The following ARSG variants were observed in gnomAD, a reference collection of about 807,000 sequenced individuals.
ARSG encodes the protein arylsulfatase G.
Under a neutral mutation model 50.5 loss-of-function variants are expected in ARSG, and 37 were observed. That is an observed-to-expected ratio of 0.73 (90% CI 0.56 to 0.96). ARSG has a LOEUF of 0.96. ARSG is among the 50% of genes least tolerant of loss of function. The pLI is 0.00. For missense variants in ARSG, 629 were observed against 675.3 expected, an observed-to-expected ratio of 0.93 and a Z score of 0.76; for synonymous variants, 225 against 254.6, an observed-to-expected ratio of 0.88 and a Z score of 1.11.
intron 1 of ARSG, among the ~76,000 whole-genome samples, chr17:68,292,091 C>G (rs781862091): frequency 7.2e-4 from 110 of 151,966 alleles, no homozygotes; most frequent in Non-Finnish European, 1.4e-3. Flanking sequence ...CAGTGGGCCC[C>G]AGGGAGCGAG....
At chr17:68,436,510 C>T in the ARSG span, 1 of 1,603,764 alleles carries the variant, frequency 6.2e-7, no homozygotes, top group Non-Finnish European at 8.5e-7. Flanking sequence ...CATGAGAAGC[C>T]TGGGGCCAAG....
chr17:68,279,849 T>C (rs1402260133), intron 1 of ARSG, among the ~76,000 whole-genome samples: 1 of 152,160 alleles, frequency 6.6e-6, no homozygotes, highest in Non-Finnish European at 1.5e-5. Context: ...AATGAGTCCA[T>C]GGTCTTCAAG....
the ARSG span, chr17:68,434,534 G>A: frequency 6.2e-7 from 1 of 1,613,084 alleles, no homozygotes; most frequent in Non-Finnish European, 8.5e-7. Flanking sequence ...ACTTTAAAAT[G>A]GGTTTGACAT....
chr17:68,424,682 C>T (rs931633728), downstream of ARSG: 3 of 345,368 alleles, frequency 8.7e-6, no homozygotes, highest in Non-Finnish European at 1.1e-5. Flanking sequence ...TTGAGACCAG[C>T]GTGACCAACA....
chr17:68,293,420 G>A (rs1438585098), intron 1 of ARSG, among the ~76,000 whole-genome samples: 2 of 152,124 alleles, frequency 1.3e-5, no homozygotes, highest in African/African-American at 4.8e-5. Flanking sequence ...ATCCTCAGGA[G>A]TGAATGAATG....
chr17:68,404,326 C>T (rs533772963), intron 11 of ARSG, among the ~76,000 whole-genome samples: 16 of 152,196 alleles, frequency 1.1e-4, no homozygotes, highest in Non-Finnish European at 1.8e-4. Flanking sequence ...GTCCCACCAA[C>T]AGTGTAAAAG....
At chr17:68,344,001 T>C (rs775166763) in intron 3 of ARSG, among the ~76,000 whole-genome samples, 4 of 152,224 alleles carry the variant, frequency 2.6e-5, no homozygotes, top group Non-Finnish European at 5.9e-5. Flanking sequence ...AGTTTTGTGG[T>C]AACTGGTTGC....
chr17:68,264,596 CCTGT>C (rs1218109481), intron 1 of ARSG, among the ~76,000 whole-genome samples: 13 of 151,854 alleles, frequency 8.6e-5, no homozygotes, highest in Non-Finnish European at 1.3e-4. Context: ...CAGCACCATG[CCTGT>C]CTAATTTTGT....
chr17:68,310,041 T>C (rs1255064237), intron 2 of ARSG, among the ~76,000 whole-genome samples: 1 of 150,442 alleles, frequency 6.6e-6, no homozygotes, highest in Non-Finnish European at 1.5e-5. Context: ...TGGCACGATC[T>C]CAGCTCACTG....
chr17:68,321,237 G>T (rs2145847286), intron 2 of ARSG, among the ~76,000 whole-genome samples: 1 of 152,292 alleles, frequency 6.6e-6, no homozygotes, highest in Non-Finnish European at 1.5e-5. Context: ...ATGAATGAAT[G>T]AGTAGACGAA....
At chr17:68,270,803 G>T in intron 1 of ARSG, 2 of 1,518,396 alleles carry the variant, frequency 1.3e-6, no homozygotes. Context: ...ACAAGGGAAA[G>T]TAGACAAGTG....
rs1452774382 is a variant in ARSG, at chr17:68,420,725, A to G, written c.*262A>G. On this transcript the variant is annotated 3_prime_UTR_variant, in exon 12 of 12. Coordinates refer to ENST00000621439, the MANE Select transcript of ARSG (RefSeq NM_001267727.2). ...GGAGTCAGGCACAGGTGCCAGCTCC[A>G]GCTTTTGAACTTGGGCAATTGTTTA... 6.1e-6 allele frequency: 3 copies of G among 489,282 alleles called. No individual in the cohort carries two copies. The highest frequency in any genetic ancestry group is 3.4e-5 in the East Asian group (1 of 29,562). 30.3% of individuals were successfully genotyped at this position (489,282 alleles called of 1,614,324 possible). A position where few individuals can be genotyped will look rare whatever the true frequency, so the allele number is the denominator to read the frequency against.
At chr17:68,321,122 C>T (rs1435431336) in intron 2 of ARSG, among the ~76,000 whole-genome samples, 2 of 152,150 alleles carry the variant, frequency 1.3e-5, no homozygotes, top group Non-Finnish European at 2.9e-5. Context: ...GTGCACTATC[C>T]TTGCTCCTGT....
chr17:68,430,496 G>C, the ARSG span, among the ~76,000 whole-genome samples: 4 of 152,304 alleles, frequency 2.6e-5, no homozygotes, highest in African/African-American at 9.6e-5. Context: ...AGATGGACTT[G>C]ATATCCAGGT....
intron 2 of ARSG, among the ~76,000 whole-genome samples, chr17:68,339,679 G>A (rs1277973436): frequency 6.6e-6 from 1 of 152,174 alleles, no homozygotes; most frequent in Admixed American, 6.5e-5. Flanking sequence ...GTTTTTCTAT[G>A]AGCTGTATTT....
chr17:68,425,891 C>A (rs947895890), downstream of ARSG: 1 of 582,428 alleles, frequency 1.7e-6, no homozygotes, highest in Non-Finnish European at 3.0e-6. Flanking sequence ...ACACCTAAAG[C>A]CTACTCTGTA....
intron 4 of ARSG, among the ~76,000 whole-genome samples, chr17:68,348,287 G>A (rs2078603330): frequency 6.6e-6 from 1 of 152,190 alleles, no homozygotes; most frequent in African/African-American, 2.4e-5. Context: ...TCACTTGACA[G>A]TTGAGGGGTT....
the ARSG span, chr17:68,435,562 G>T: frequency 1.3e-6 from 2 of 1,530,106 alleles, no homozygotes; most frequent in Non-Finnish European, 1.8e-6. Context: ...CCATCCCTGC[G>T]CACGGCAGGA....
At chr17:68,395,864 A>C (rs1236270718) in intron 10 of ARSG, among the ~76,000 whole-genome samples, 1 of 152,138 alleles carries the variant, frequency 6.6e-6, no homozygotes, top group Non-Finnish European at 1.5e-5. Flanking sequence ...CCAGCATTTC[A>C]GTCCATGCAA....
Sources: allele counts gnomAD v4.1 joint callset (sites outside exome capture counted in the v4.1 genomes callset), GRCh38; gene constraint gnomAD v4.1.1; transcripts MANE v1.5; gene names NCBI Gene and HGNC (gene_info 2026-07-23, HGNC 2026-07-21).